TMEM176B: variants seen among roughly 807,000 people sequenced by gnomAD.
The protein encoded by TMEM176B is LR8-like protein.
In TMEM176B, 28 loss-of-function variants were observed where a neutral mutation model predicts 30.3. The ratio of observed to expected loss-of-function variants is 0.92; its 90% confidence interval spans 0.68 to 1.27. The LOEUF (loss-of-function observed/expected upper bound fraction) is 1.27. Ranked by LOEUF, TMEM176B falls within the 50% of genes most tolerant of loss-of-function variation. The pLI is 0.00. For synonymous variants in TMEM176B, 123 were observed against 130.3 expected, an observed-to-expected ratio of 0.94 and a Z score of 0.38; for missense variants, 349 against 327.4, an observed-to-expected ratio of 1.07 and a Z score of -0.51.
At chr7:150,798,755 G>A (rs542440112) in intron 1 of TMEM176B, among the ~76,000 whole-genome samples, 2 of 152,218 alleles carry the variant, frequency 1.3e-5, no homozygotes, top group South Asian at 4.1e-4. Flanking sequence ...CTTTTCATAT[G>A]TTCAGGGCCA....
chr7:150,794,158 G>C lies in TMEM176B; in HGVS notation c.205-87C>G. On this transcript the variant is annotated intron_variant, in intron 2 of 6. Transcript: ENST00000326442. ...GGACCAGCTGCCTGGCTCCTACCTA[G>C]GTGGCTCTCCTCTCCTTTTCCTCTG... The C allele has an allele frequency of 5.2e-6, 5 of 962,346 alleles. No homozygotes were observed. In the South Asian group the frequency reaches 7.7e-5, roughly 15 times the overall value. 59.6% of individuals were successfully genotyped at this position (962,346 alleles called of 1,614,324 possible).
chr7:150,799,440 C>T (rs7781606), intron 1 of TMEM176B, among the ~76,000 whole-genome samples: 31,931 of 152,258 alleles, frequency 0.21, 3,496 homozygotes, highest in East Asian at 0.3. Flanking sequence ...TACTTCTTCA[C>T]ATGCACTTTA....
At chr7:150,796,618 C>A in intron 1 of TMEM176B, 44 bp from the exon 2 acceptor site, 1 of 1,591,996 alleles carries the variant, frequency 6.3e-7, no homozygotes. Flanking sequence ...GGGAACTAGG[C>A]GAGGGAAAAA....
In TMEM176B at chr7:150,794,082, G is replaced by A. The variant is rs1300178301; in HGVS notation, c.205-11C>T. 1 of 1,607,218 alleles carries A rather than the reference G, an allele frequency of 6.2e-7. No individual in the cohort carries two copies. The stretch of plus-strand genomic sequence containing the variant: ...CAATATCTGAGTCACCTGCAAGACA[G>A]GATGAGAAACCAGACCCCTTCCCGT... On this transcript the variant is annotated splice_polypyrimidine_tract_variant and intron_variant, in intron 2 of 6. Coordinates refer to ENST00000326442, the MANE Select transcript of TMEM176B (RefSeq NM_001101312.2).
At chr7:150,798,222 G>A (rs1343514948) in intron 1 of TMEM176B, among the ~76,000 whole-genome samples, 4 of 151,992 alleles carry the variant, frequency 2.6e-5, no homozygotes, top group East Asian at 3.9e-4. Context: ...CCTGCTTTCT[G>A]TAATGATTTC....
chr7:150,797,734 A>T (rs974887607), intron 1 of TMEM176B, among the ~76,000 whole-genome samples: 1 of 152,124 alleles, frequency 6.6e-6, no homozygotes, highest in Non-Finnish European at 1.5e-5. Flanking sequence ...AAGTGACTCG[A>T]TTATGATTCT....
At chr7:150,795,991 G>T (rs1048257088) in intron 2 of TMEM176B, among the ~76,000 whole-genome samples, 2 of 152,146 alleles carry the variant, frequency 1.3e-5, no homozygotes, top group African/African-American at 4.8e-5. Context: ...CTCCCAAAAT[G>T]TAATTCTCTA....
At chr7:150,801,357 C>A, upstream of TMEM176B, 2 of 507,228 alleles carry the variant, frequency 3.9e-6, no homozygotes, top group Non-Finnish European at 6.4e-6. Context: ...CCAGCATGGT[C>A]AGCACCCCCT....
chr7:150,798,829 T>C (rs1798635339), intron 1 of TMEM176B, among the ~76,000 whole-genome samples: 1 of 152,192 alleles, frequency 6.6e-6, no homozygotes, highest in Non-Finnish European at 1.5e-5. Context: ...TTTTGTTTTG[T>C]TTTGCTTTTT....
chr7:150,800,180 T>G (rs1398242254), intron 1 of TMEM176B, 118 bp downstream of exon 1: 7 of 152,130 alleles, frequency 4.6e-5, no homozygotes, highest in Admixed American at 2.0e-4. Flanking sequence ...GGAAACCAGG[T>G]TGGAGGAAGA....
intron 6 of TMEM176B, 93 bp from the exon 7 acceptor site, chr7:150,791,716 A>G: frequency 8.5e-7 from 1 of 1,174,882 alleles, no homozygotes; most frequent in Non-Finnish European, 1.2e-6. Flanking sequence ...GGAAAGGAGG[A>G]GGGAAAGGAA....
chr7:150,791,999 C>G (rs1798329875), intron 6 of TMEM176B, 57 bp downstream of exon 6: 1 of 1,609,110 alleles, frequency 6.2e-7, no homozygotes, highest in East Asian at 2.2e-5. Flanking sequence ...TCCTACCTGT[C>G]CCACACACTC....
At position 150,793,277 on chromosome 7, in the gene TMEM176B, A is replaced by T. The variant is rs757915168; in HGVS notation, c.411T>A (p.Ala137=). Residue 137 remains alanine, a synonymous_variant, in exon 5 of 7, where the codon GCT becomes GCA. Coordinates refer to ENST00000326442, the MANE Select transcript of TMEM176B (RefSeq NM_001101312.2). ...AGAGGACAACAGCAGCCATAGCTGT[A>T]GCAAAGCCTGCCAGGGTGAGCAGGC... ...ISSLLTLAGF[A]TAMAAVVLCV... 6.2e-7 allele frequency: 1 copy of T among 1,614,232 alleles called. No homozygotes were observed. The highest frequency in any genetic ancestry group is 1.7e-5 in the Admixed American group (1 of 60,032).
intron 1 of TMEM176B, chr7:150,799,923 C>G (rs1427879487): frequency 6.6e-6 from 1 of 152,378 alleles, no homozygotes; most frequent in Non-Finnish European, 1.5e-5. Context: ...CCGGCTGCCC[C>G]GAACACTTTC....
chr7:150,791,981 C>T lies in TMEM176B; in HGVS notation c.720+75G>A, dbSNP rs73727416. The T allele has an allele frequency of 0.015, 23,474 of 1,597,152 alleles. 1,578 individuals carry two copies. In the African/African-American group the frequency reaches 0.2, roughly 13 times the overall value. ...CAGCCTCAGGTTCGGGTGCCCCTGG[C>T]CCCGCACTCCTACCTGTCCCACACA... On this transcript the variant is annotated intron_variant, in intron 6 of 6. Transcript: ENST00000326442.
chr7:150,796,045 T>A lies in TMEM176B; in HGVS notation c.204+321A>T, dbSNP rs149080648. On this transcript the variant is annotated intron_variant, in intron 2 of 6. Coordinates refer to ENST00000326442, the MANE Select transcript of TMEM176B (RefSeq NM_001101312.2). ...CTGCCTGCTGCAACCTGAAACCAGC[T>A]TTATCTACAGCTTCTGACCTTGCTA... 2.0e-5 allele frequency among the ~76,000 whole-genome samples: 3 copies of A among 152,296 alleles called. No homozygotes were observed. The East Asian group carries it at 5.8e-4, about 29-fold the overall frequency.
intron 2 of TMEM176B, among the ~76,000 whole-genome samples, chr7:150,794,316 C>A (rs911368758): frequency 1.8e-4 from 28 of 152,010 alleles, no homozygotes; most frequent in African/African-American, 6.5e-4. Flanking sequence ...TTCCCAACTT[C>A]AACACTTTCT....
chr7:150,797,614 G>T (rs1215394848), intron 1 of TMEM176B, among the ~76,000 whole-genome samples: 1 of 152,144 alleles, frequency 6.6e-6, no homozygotes, highest in African/African-American at 2.4e-5. Flanking sequence ...ATTTTTTTGT[G>T]TAAGGTTGTC....
intron 5 of TMEM176B, 100 bp from the exon 6 acceptor site, chr7:150,792,275 C>T (rs967431116): frequency 4.0e-6 from 6 of 1,488,004 alleles, no homozygotes; most frequent in Admixed American, 1.9e-5. Context: ...CTCTATCCAG[C>T]TTGCTGCTCC....
Sources: allele counts gnomAD v4.1 joint callset (sites outside exome capture counted in the v4.1 genomes callset), GRCh38; gene constraint gnomAD v4.1.1; transcripts MANE v1.5; gene names NCBI Gene and HGNC (gene_info 2026-07-23, HGNC 2026-07-21).